GALC: variants seen among roughly 807,000 people sequenced by gnomAD.
GALC encodes the protein galactosylceramidase, also known as galactocerebrosidase.
GALC carries 77 observed loss-of-function variants against 91.8 expected under a neutral mutation model. That is an observed-to-expected ratio of 0.84 (90% CI 0.70 to 1.01). GALC has a LOEUF of 1.01. GALC is among the 50% of genes least tolerant of loss of function. The probability of loss-of-function intolerance (pLI) is 0.00; values close to 1 mark genes in which losing one functional copy is unlikely to be tolerated. For missense variants in GALC, 882 were observed against 855.9 expected (o/e 1.03, Z -0.38); for synonymous variants, 357 against 306.7 (o/e 1.16, Z -1.71).
rs1192128923 is a variant in GALC at position 87,950,925 on chromosome 14, T to C, written c.1162-177A>G. Among the ~76,000 whole-genome samples, 6 of 151,772 alleles carry C rather than the reference T, an allele frequency of 4.0e-5. No individual in the cohort carries two copies. The Admixed American group carries it at 4.0e-4, about 10-fold the overall frequency. On this transcript the variant is annotated intron_variant, in intron 10 of 16. Transcript: ENST00000261304. ...CAATATAATATTTACTGAATGTGTA[T>C]TGTATGTTCCTAGTCAAATACAAAG...
chr14:87,993,545 G>C (rs911668727), upstream of GALC: 3 of 1,363,894 alleles, frequency 2.2e-6, no homozygotes, highest in Admixed American at 2.0e-5. Context: ...TGGACACCAG[G>C]TCCCGATTCC....
rs75405203 is a variant in GALC at position 87,977,409 on chromosome 14, C to T, written c.622-921G>A. On this transcript the variant is annotated intron_variant, in intron 6 of 16. Transcript: ENST00000261304. The stretch of plus-strand genomic sequence containing the variant: ...AGAAGTATCAGAGGGAGCCCTCACC[C>T]TTAGGTGGCAAACACACTCAACAGG... Among the ~76,000 whole-genome samples, 1,205 of 152,264 alleles carry T rather than the reference C, an allele frequency of 7.9e-3. 15 individuals carry two copies. The highest frequency in any genetic ancestry group is 0.024 in the Middle Eastern group (7 of 294).
chr14:87,941,264 A>C, intron 15 of GALC, 131 bp downstream of exon 15: 1 of 681,758 alleles, frequency 1.5e-6, no homozygotes, highest in Non-Finnish European at 2.6e-6. Flanking sequence ...ATTTGCTTAC[A>C]TCCCTTCCCA....
chr14:87,949,909 AC>A lies in GALC; in HGVS notation c.1273del (p.Val425TyrfsTer32), dbSNP rs1057516394. 1 of 1,584,728 alleles carries A rather than the reference AC, an allele frequency of 6.3e-7. No individual in the cohort carries two copies. Among genetic ancestry groups the A allele is most frequent in the African/African-American group, 1.3e-5 (1 of 74,210 alleles). ...TGTTTTTCCAAGTTTGGTATACCAT[AC>A]CTGTAGCTCTGGTATTTCACTCTGT... The part of the protein sequence containing the change: ...GSFSEIPELQ[V>X]WYTKLGKTSE... On this transcript the variant is annotated frameshift_variant, in exon 12 of 17. Transcript: ENST00000261304. LOFTEE classifies it high-confidence loss of function.
Position 87,976,490 on chromosome 14 carries a change from T to C in GALC, c.622-2A>G. 1 of 1,609,692 alleles carries C rather than the reference T, an allele frequency of 6.2e-7. No homozygotes were observed. Among genetic ancestry groups the C allele is most frequent in the Non-Finnish European group, 8.5e-7 (1 of 1,176,094 alleles). On this transcript the variant is annotated splice_acceptor_variant, in intron 6 of 16. Transcript: ENST00000261304. LOFTEE classifies it high-confidence loss of function. ...ATAATTCAGCATTTTTCTTAATATC[T>C]TTTGGAGTAAGAAACAGAACATATG...
chr14:87,966,402 G>C (rs978423487), intron 8 of GALC, among the ~76,000 whole-genome samples: 1 of 151,864 alleles, frequency 6.6e-6, no homozygotes, highest in African/African-American at 2.4e-5. Context: ...AAGGACAAAA[G>C]GGAAGTTATT....
At chr14:87,934,965 A>G (rs1219398066) in intron 16 of GALC, 87 bp from the exon 17 acceptor site, 1 of 933,740 alleles carries the variant, frequency 1.1e-6, no homozygotes, top group East Asian at 2.5e-5. Context: ...CCCACTACTT[A>G]GTGGAGCAAA....
chr14:87,965,166 ACT>A (rs975630175), intron 9 of GALC, among the ~76,000 whole-genome samples: 3 of 152,124 alleles, frequency 2.0e-5, no homozygotes, highest in African/African-American at 7.2e-5. Context: ...TAAGACTTCT[ACT>A]CTGTTTATAA....
chr14:87,988,123 C>T (rs1887048922), intron 3 of GALC, 21 bp downstream of exon 3: 3 of 1,591,902 alleles, frequency 1.9e-6, no homozygotes, highest in East Asian at 4.5e-5. Flanking sequence ...GGGAGAAATC[C>T]TATCTCCCAA....
At chr14:87,949,975 A>C in intron 11 of GALC, 44 bp from the exon 12 acceptor site, 1 of 963,508 alleles carries the variant, frequency 1.0e-6, no homozygotes, top group Non-Finnish European at 1.7e-6. Flanking sequence ...AATTCATCAC[A>C]TCCTCTTTGA....
rs558560295 is a variant in GALC, at chr14:87,963,334, T to C, written c.1161+50A>G. ...AAGTATTCAGTTTTATATTTTATTT[T>C]TCCAATAGTAAAGAAGTGAGTTAAT... is the stretch of plus-strand genomic sequence containing the variant. On this transcript the variant is annotated intron_variant, in intron 10 of 16. Coordinates refer to ENST00000261304, the MANE Select transcript of GALC (RefSeq NM_000153.4). 7.1e-5 allele frequency: 112 copies of C among 1,573,940 alleles called. No homozygotes were observed. In the East Asian group the frequency reaches 1.6e-3, roughly 23 times the overall value.
intron 10 of GALC, among the ~76,000 whole-genome samples, chr14:87,955,837 T>C (rs1009525737): frequency 6.6e-6 from 1 of 152,018 alleles, no homozygotes; most frequent in Non-Finnish European, 1.5e-5. Context: ...CTCACTGTGA[T>C]TGTAGAAGAA....
intron 16 of GALC, among the ~76,000 whole-genome samples, chr14:87,935,618 A>C (rs1454339056): frequency 6.6e-6 from 1 of 152,046 alleles, no homozygotes; most frequent in South Asian, 2.1e-4. Context: ...GTAAACAATA[A>C]ATCTCAGCTC....
chr14:87,945,651 G>A lies in GALC; in HGVS notation c.1572C>T (p.Gly524=), dbSNP rs753164684. 2.5e-5 allele frequency: 40 copies of A among 1,611,206 alleles called. No homozygotes were observed. The highest frequency in any genetic ancestry group is 2.0e-4 in the South Asian group (18 of 91,030). ...CTTGGCGTAGCGTGAAGTGATGCTCGCCAGGGTCTTCAATATTTGTAAAAT... is the reference window on the plus strand; with the variant it reads ...CTTGGCGTAGCGTGAAGTGATGCTCACCAGGGTCTTCAATATTTGTAAAAT... The part of the protein sequence containing the change: ...FEYFTNIEDP[G]EHHFTLRQVL... The change falls in exon 14 of 17, where the codon GGC becomes GGT. Residue 524 remains glycine (G), a synonymous_variant. Transcript: ENST00000261304.
At chr14:87,940,361 T>C (rs189296032) in intron 15 of GALC, among the ~76,000 whole-genome samples, 27 of 152,056 alleles carry the variant, frequency 1.8e-4, no homozygotes, top group Admixed American at 1.1e-3. Context: ...GCCAGTCTAA[T>C]TGGTCACATG....
At position 87,982,191 on chromosome 14, in the gene GALC, AAAG is replaced by A. The variant is rs1567007639; in HGVS notation, c.621+11_621+13del. 6.2e-6 allele frequency: 9 copies of A among 1,446,124 alleles called. No individual in the cohort carries two copies. In the Admixed American group the frequency reaches 1.6e-4, roughly 25 times the overall value. The allele number at this position is 1,446,124 out of a possible 1,614,324, so 89.6% of individuals were successfully genotyped here. A position where few individuals can be genotyped will look rare whatever the true frequency, so the allele number is the denominator to read the frequency against. ...AAAAAGTTAAAAACAAAAAGATACT[AAAG>A]TTGTACACACCTTAATATAATTGGC... On this transcript the variant is annotated intron_variant, in intron 6 of 16. Coordinates refer to ENST00000261304, the MANE Select transcript of GALC (RefSeq NM_000153.4).
At chr14:87,955,192 G>A in intron 10 of GALC, 1 of 1,218,736 alleles carries the variant, frequency 8.2e-7, no homozygotes, top group African/African-American at 1.5e-5. Context: ...TGGAGCCGAT[G>A]CCCTTTTCTG....
chr14:87,947,660 A>T, intron 13 of GALC, 68 bp downstream of exon 13: 1 of 1,463,412 alleles, frequency 6.8e-7, no homozygotes, highest in Non-Finnish European at 9.6e-7. Context: ...ACCCAGTTTG[A>T]CAGGTAGAAA....
chr14:87,933,856 C>T lies in GALC; in HGVS notation c.*876G>A. 1.2e-6 allele frequency: 1 copy of T among 804,520 alleles called. No homozygotes were observed. The allele number at this position is 804,520 out of a possible 1,614,324, so 49.8% of individuals were successfully genotyped here. On this transcript the variant is annotated 3_prime_UTR_variant, in exon 17 of 17. Coordinates refer to ENST00000261304, the MANE Select transcript of GALC (RefSeq NM_000153.4). ...GTCTAAGTGCTCCCCTCCTTCCACA[C>T]ATAAGGAGAGAAAAGCATTCATCAG...
Sources: gnomAD v4.1 joint callset for allele counts (sites outside exome capture counted in the v4.1 genomes callset) on GRCh38, gnomAD v4.1.1 for gene constraint, MANE v1.5 for transcripts, NCBI Gene and HGNC (gene_info 2026-07-23, HGNC 2026-07-21) for gene names.